The following TTC28 variants were observed in gnomAD, a reference collection of about 807,000 sequenced individuals.
TTC28 encodes tetratricopeptide repeat domain 28.
Under a neutral mutation model 198.0 loss-of-function variants are expected in TTC28, and 61 were observed. The observed-to-expected ratio is 0.31, with a 90% CI of 0.25 to 0.38. TTC28 has a LOEUF of 0.38. TTC28 is among the 10% of genes least tolerant of loss of function. TTC28 has a pLI of 1.00. For missense variants in TTC28, 2,678 were observed against 3,164.0 expected (o/e 0.85, Z 3.69); for synonymous variants, 1,171 against 1,297.8 (o/e 0.90, Z 2.10).
At chr22:28,379,530 G>A (rs1426968305) in intron 2 of TTC28, among the ~76,000 whole-genome samples, 3 of 152,136 alleles carry the variant, frequency 2.0e-5, no homozygotes, top group African/African-American at 7.2e-5. Flanking sequence ...TCATAAAAAA[G>A]ACAAATACTG....
chr22:28,516,581 C>T (rs1158042343), intron 2 of TTC28, among the ~76,000 whole-genome samples: 2 of 88,610 alleles, frequency 2.3e-5, no homozygotes, highest in Admixed American at 1.6e-4. Context: ...GGACACAGGG[C>T]GGGGAACATC....
chr22:28,123,129 A>G (rs967358399), intron 6 of TTC28, among the ~76,000 whole-genome samples: 1 of 152,370 alleles, frequency 6.6e-6, no homozygotes, highest in Non-Finnish European at 1.5e-5. Context: ...GAAATATGGG[A>G]GCAAGATGAG....
chr22:27,998,558 G>A lies in TTC28; in HGVS notation c.5101C>T (p.His1701Tyr). 6.5e-7 allele frequency: 1 copy of A among 1,550,232 alleles called. No homozygotes were observed. The highest frequency in any genetic ancestry group is 1.2e-5 in the South Asian group (1 of 84,036). The stretch of plus-strand genomic sequence containing the variant: ...CTCCCACCTGCCCAGTTGGAGGGGT[G>A]CGAGAAGGCCTTGCTGCTCTGCACC... The part of the protein sequence containing the change: ...KVVQSSKAFS[H>Y]PSNWAGFMLI... The change falls in exon 16 of 23, where the codon CAC becomes TAC. Residue 1701 changes from histidine to tyrosine, a missense_variant. His to Tyr is a moderately conservative substitution (Grantham distance 83). Transcript: ENST00000397906.
intron 2 of TTC28, among the ~76,000 whole-genome samples, chr22:28,625,580 T>C (rs557906906): frequency 1.3e-5 from 2 of 152,342 alleles, no homozygotes; most frequent in South Asian, 2.1e-4. Context: ...ACCATGTTCA[T>C]GGATTCAAAG....
At chr22:28,309,374 C>T (rs2145817080) in intron 2 of TTC28, among the ~76,000 whole-genome samples, 1 of 152,270 alleles carries the variant, frequency 6.6e-6, no homozygotes, top group African/African-American at 2.4e-5. Context: ...TGCTGTAAGG[C>T]TCCCAGACAA....
intron 5 of TTC28, among the ~76,000 whole-genome samples, chr22:28,184,553 A>C (rs1323874767): frequency 6.6e-6 from 1 of 152,114 alleles, no homozygotes; most frequent in Non-Finnish European, 1.5e-5. Flanking sequence ...TTTAATTAAG[A>C]TCCTAAGTTA....
At chr22:28,055,955 A>T (rs921422833) in intron 12 of TTC28, among the ~76,000 whole-genome samples, 4 of 152,254 alleles carry the variant, frequency 2.6e-5, no homozygotes, top group African/African-American at 9.6e-5. Flanking sequence ...TTAATCATGT[A>T]TATGATATCA....
intron 2 of TTC28, among the ~76,000 whole-genome samples, chr22:28,596,300 C>A (rs997308766): frequency 2.0e-5 from 3 of 151,954 alleles, no homozygotes; most frequent in African/African-American, 7.3e-5. Context: ...GTGTAGTGGG[C>A]AAAGCAGTGA....
rs535349051 is a variant in TTC28, at chr22:28,020,912, A to G, written c.4074-6520T>C. On this transcript the variant is annotated intron_variant, in intron 13 of 22. Transcript: ENST00000397906. ...CTCCTTCAGGCAGCTAGGACCCGAC[A>G]GACCTCCCTGTGGAGTCTGCCCGCC... is the stretch of plus-strand genomic sequence containing the variant. Among the ~76,000 whole-genome samples, 11 of 152,218 alleles carry G rather than the reference A, an allele frequency of 7.2e-5. No homozygotes were observed. The East Asian group carries it at 2.1e-3, about 30-fold the overall frequency.
At chr22:28,136,626 T>C (rs2146976143) in intron 6 of TTC28, among the ~76,000 whole-genome samples, 1 of 152,344 alleles carries the variant, frequency 6.6e-6, no homozygotes, top group African/African-American at 2.4e-5. Context: ...GGGAAATGTC[T>C]AACATGAGAG....
intron 2 of TTC28, among the ~76,000 whole-genome samples, chr22:28,332,105 T>C (rs1005547122): frequency 2.0e-5 from 3 of 152,090 alleles, no homozygotes; most frequent in Non-Finnish European, 4.4e-5. Context: ...GTTTTAGAGA[T>C]GAATATTCAG....
At chr22:27,992,734 G>A in intron 18 of TTC28, 71 bp from the exon 19 acceptor site, 1 of 1,439,808 alleles carries the variant, frequency 6.9e-7, no homozygotes, top group African/African-American at 1.4e-5. Flanking sequence ...ACCTTCCCAG[G>A]GGAAAGAACC....
At chr22:28,191,978 G>A (rs1924832037) in intron 5 of TTC28, among the ~76,000 whole-genome samples, 2 of 152,224 alleles carry the variant, frequency 1.3e-5, no homozygotes, top group African/African-American at 4.8e-5. Flanking sequence ...TCTGAGAACG[G>A]ACAGACTGCC....
At chr22:28,347,271 G>GAAA (rs201082591) in intron 2 of TTC28, among the ~76,000 whole-genome samples, 2 of 115,860 alleles carry the variant, frequency 1.7e-5, no homozygotes, top group Non-Finnish European at 3.7e-5. Context: ...CTCAAAAGAG[G>GAAA]AAAAAAAAAA....
Position 28,066,275 on chromosome 22 carries a change from C to CGTGTGT in TTC28, c.3932+27799_3932+27804dup, listed in dbSNP as rs796325170. On this transcript the variant is annotated intron_variant, in intron 12 of 22. Coordinates refer to ENST00000397906, the MANE Select transcript of TTC28 (RefSeq NM_001145418.2). The stretch of plus-strand genomic sequence containing the variant: ...CACATTAATTACCTTACCTAGTTAC[C>CGTGTGT]GTGTGTGTGTGTGTGTGTGTGTGTG... Among the ~76,000 whole-genome samples the CGTGTGT allele has an allele frequency of 6.8e-3, 922 of 135,676 alleles. 14 individuals are homozygous for CGTGTGT. The highest frequency in any genetic ancestry group is 0.022 in the African/African-American group (860 of 39,274). 89.0% of individuals were successfully genotyped at this position (135,676 alleles called of 152,430 possible). A position where few individuals can be genotyped will look rare whatever the true frequency, so the allele number is the denominator to read the frequency against.
At chr22:28,203,928 C>T (rs1416113193) in intron 5 of TTC28, among the ~76,000 whole-genome samples, 4 of 152,064 alleles carry the variant, frequency 2.6e-5, no homozygotes, top group Non-Finnish European at 4.4e-5. Context: ...ATGTTAAAAA[C>T]GAAAACACAA....
At chr22:28,045,738 C>G (rs1336076780) in intron 12 of TTC28, among the ~76,000 whole-genome samples, 1 of 152,160 alleles carries the variant, frequency 6.6e-6, no homozygotes, top group Non-Finnish European at 1.5e-5. Context: ...CCAAGGCAGG[C>G]AGATCACTTG....
chr22:28,331,324 T>C lies in TTC28; in HGVS notation c.382-24681A>G, dbSNP rs549253983. Reference sequence around the variant, plus strand: ...TATGCAGTTTCCTTTTAAAAAAGTATATATAAGGAAAACCTTTTTCCATAT... The same window carrying C: ...TATGCAGTTTCCTTTTAAAAAAGTACATATAAGGAAAACCTTTTTCCATAT... On this transcript the variant is annotated intron_variant, in intron 2 of 22. Transcript: ENST00000397906. 4.1e-4 allele frequency among the ~76,000 whole-genome samples: 63 copies of C among 152,192 alleles called. No individual in the cohort carries two copies. In the South Asian group the frequency reaches 0.012, roughly 30 times the overall value.
chr22:28,254,739 G>C (rs1052310948), intron 5 of TTC28, among the ~76,000 whole-genome samples: 1 of 152,072 alleles, frequency 6.6e-6, no homozygotes, highest in Non-Finnish European at 1.5e-5. Flanking sequence ...AAAGCGTCAA[G>C]TATGAGACCC....
Sources: allele counts gnomAD v4.1 joint callset (sites outside exome capture counted in the v4.1 genomes callset), GRCh38; gene constraint gnomAD v4.1.1; transcripts MANE v1.5; gene names NCBI Gene and HGNC (gene_info 2026-07-23, HGNC 2026-07-21).